PAX2: variants seen among roughly 807,000 people sequenced by gnomAD.
PAX2 encodes the protein paired box protein Pax-2.
Under a neutral mutation model 41.7 loss-of-function variants are expected in PAX2, and 9 were observed. That is an observed-to-expected ratio of 0.22 (90% CI 0.13 to 0.38). The LOEUF is 0.38. Among genes scored for constraint, PAX2 ranks in the 10% least tolerant of loss-of-function variants. The probability of loss-of-function intolerance (pLI) is 1.00; values close to 1 mark genes in which losing one functional copy is unlikely to be tolerated. For synonymous variants in PAX2, 221 were observed against 212.7 expected (o/e 1.04, Z -0.34); for missense variants, 418 against 531.6 (o/e 0.79, Z 2.10).
At chr10:100,757,985 G>T (rs1845694726) in intron 3 of PAX2, among the ~76,000 whole-genome samples, 1 of 152,154 alleles carries the variant, frequency 6.6e-6, no homozygotes, top group South Asian at 2.1e-4. Context: ...TAGAGCCAGG[G>T]TCCCCTCATG....
At chr10:100,805,235 T>C (rs1847733079) in intron 5 of PAX2, among the ~76,000 whole-genome samples, 1 of 152,166 alleles carries the variant, frequency 6.6e-6, no homozygotes, top group African/African-American at 2.4e-5. Context: ...TCCTGAATGA[T>C]ACTGTATGGT....
rs78521904 is a variant in PAX2 at position 100,829,647 on chromosome 10, G to A, written c.*2028G>A. 20,150 of 204,424 alleles carry A rather than the reference G, an allele frequency of 0.099. 2,054 individuals carry two copies. The highest frequency in any genetic ancestry group is 0.28 in the African/African-American group (12,405 of 43,648). 12.7% of individuals were successfully genotyped at this position (204,424 alleles called of 1,614,324 possible). A position where few individuals can be genotyped will look rare whatever the true frequency, so the allele number is the denominator to read the frequency against. ...TCCCCTGCGAGCCCTTTTTATTTGA[G>A]AAGGAAAAAGAGAAAAGAGAATCGT... On this transcript the variant is annotated 3_prime_UTR_variant, in exon 10 of 10. Transcript: ENST00000355243.
chr10:100,798,104 C>CTTT lies in PAX2; in HGVS notation c.617-8304_617-8302dup, dbSNP rs11314855. The stretch of plus-strand genomic sequence containing the variant: ...TCCAAAGCCTTCTTCATGTCCACCT[C>CTTT]TTTTTTTTTTTTTTTTTTTTTTTTA... On this transcript the variant is annotated intron_variant, in intron 5 of 9. Coordinates refer to ENST00000355243, the MANE Select transcript of PAX2 (RefSeq NM_000278.5). Among the ~76,000 whole-genome samples, 111 of 86,532 alleles carry CTTT rather than the reference C, an allele frequency of 1.3e-3. 4 individuals are homozygous for CTTT. The highest frequency in any genetic ancestry group is 0.013 in the South Asian group (26 of 2,050). The allele number at this position is 86,532 out of a possible 152,430, so 56.8% of individuals were successfully genotyped here. A position where few individuals can be genotyped will look rare whatever the true frequency, so the allele number is the denominator to read the frequency against.
At position 100,791,044 on chromosome 10, in the gene PAX2, A is replaced by C. The variant is rs993688748; in HGVS notation, c.616+9679A>C. 2.0e-5 allele frequency among the ~76,000 whole-genome samples: 3 copies of C among 152,202 alleles called. No individual in the cohort carries two copies. The highest frequency in any genetic ancestry group is 7.2e-5 in the African/African-American group (3 of 41,440). On this transcript the variant is annotated intron_variant, in intron 5 of 9. Coordinates refer to ENST00000355243, the MANE Select transcript of PAX2 (RefSeq NM_000278.5). This position sits in a 1 kb window ranked among gnomAD's most constrained non-coding sequence, Gnocchi z 4.5. ...GACAACAGAGGCCTCACAAACCTCAACCTGCACGGAGGCCTGGCCTTCCCT... is the reference window on the plus strand; with the variant it reads ...GACAACAGAGGCCTCACAAACCTCACCCTGCACGGAGGCCTGGCCTTCCCT...
intron 3 of PAX2, among the ~76,000 whole-genome samples, chr10:100,771,449 T>G (rs1413377389): frequency 1.3e-5 from 2 of 152,200 alleles, no homozygotes; most frequent in Non-Finnish European, 2.9e-5. Flanking sequence ...TGTTAAGTGA[T>G]TCAGGCCTGC....
intron 6 of PAX2, among the ~76,000 whole-genome samples, chr10:100,808,171 G>A (rs970501837): frequency 2.0e-5 from 3 of 152,094 alleles, no homozygotes; most frequent in African/African-American, 4.8e-5. Flanking sequence ...ATTTCTCTCC[G>A]ATCACAGCGA....
chr10:100,748,934 C>G lies in PAX2; in HGVS notation c.44-812C>G. ...TGGGCCCCAACCAGGCTCTGCGAGG[C>G]GCGGCAGGCAGGCGAGCCCAAGCAG... On this transcript the variant is annotated intron_variant, in intron 1 of 9. Transcript: ENST00000355243. This position sits in a 1 kb window ranked among gnomAD's most constrained non-coding sequence, Gnocchi z 5.0. The G allele has an allele frequency of 1.0e-6, 1 of 985,344 alleles. No individual in the cohort carries two copies. Among genetic ancestry groups the G allele is most frequent in the Non-Finnish European group, 1.2e-6 (1 of 829,910 alleles). 61.0% of individuals were successfully genotyped at this position (985,344 alleles called of 1,614,324 possible). A position where few individuals can be genotyped will look rare whatever the true frequency, so the allele number is the denominator to read the frequency against.
At position 100,748,723 on chromosome 10, in the gene PAX2, G is replaced by C; in HGVS notation, c.44-1023G>C. 2 of 985,394 alleles carry C rather than the reference G, an allele frequency of 2.0e-6. No individual in the cohort carries two copies. The highest frequency in any genetic ancestry group is 3.5e-5 in the African/African-American group (2 of 57,244). The allele number at this position is 985,394 out of a possible 1,614,324, so 61.0% of individuals were successfully genotyped here. Reference sequence around the variant, plus strand: ...GATCGGGAGCCCGCGCTGGAGCCGGGTTGGAAACCCCGTGCCCTTCTCTTG... The same window carrying C: ...GATCGGGAGCCCGCGCTGGAGCCGGCTTGGAAACCCCGTGCCCTTCTCTTG... On this transcript the variant is annotated intron_variant, in intron 1 of 9. Transcript: ENST00000355243. This position sits in a 1 kb window ranked among gnomAD's most constrained non-coding sequence, Gnocchi z 5.0.
intron 3 of PAX2, among the ~76,000 whole-genome samples, chr10:100,773,706 C>A (rs1846290008): frequency 6.6e-6 from 1 of 152,144 alleles, no homozygotes; most frequent in South Asian, 2.1e-4. Flanking sequence ...AATTGATATA[C>A]CTGCTCTCAG....
Position 100,824,090 on chromosome 10 carries a change from G to A in PAX2, c.920-558G>A, listed in dbSNP as rs994962293. On this transcript the variant is annotated intron_variant, in intron 7 of 9. Transcript: ENST00000355243. This position sits in a 1 kb window ranked among gnomAD's most constrained non-coding sequence, Gnocchi z 6.6. ...GGCTGCCCCCCTGCTCTCCACACCT[G>A]CCAGGACCAGGACCTGCAGCTCCAC... Among the ~76,000 whole-genome samples, 5 of 152,108 alleles carry A rather than the reference G, an allele frequency of 3.3e-5. No homozygotes were observed. The highest frequency in any genetic ancestry group is 7.3e-5 in the Non-Finnish European group (5 of 68,030).
rs113255578 is a variant in PAX2 at position 100,750,237 on chromosome 10, T to TGG, written c.212+330_212+331dup. ...TACGGGGTGGGAGACATTAGAGGAA[T>TGG]GGGGGGGGAGTGAAAATGGGTCCCC... is the stretch of plus-strand genomic sequence containing the variant. On this transcript the variant is annotated intron_variant, in intron 2 of 9. Coordinates refer to ENST00000355243, the MANE Select transcript of PAX2 (RefSeq NM_000278.5). The surrounding 1 kb of genome is among the most constrained non-coding windows in gnomAD (Gnocchi z 4.1). 1.7e-3 allele frequency among the ~76,000 whole-genome samples: 263 copies of TGG among 150,294 alleles called. 1 individual carries two copies. The highest frequency in any genetic ancestry group is 6.8e-3 in the Middle Eastern group (2 of 294).
chr10:100,781,494 C>G, intron 5 of PAX2, 129 bp downstream of exon 5: 1 of 973,888 alleles, frequency 1.0e-6, no homozygotes, highest in Non-Finnish European at 1.7e-6. Flanking sequence ...CCCAGGTCCC[C>G]CCACTGCCCT....
chr10:100,808,311 C>T (rs1847868335), intron 6 of PAX2, among the ~76,000 whole-genome samples: 1 of 151,996 alleles, frequency 6.6e-6, no homozygotes, highest in Non-Finnish European at 1.5e-5. Context: ...GCAATCCCGT[C>T]CAGCCATGGA....
intron 1 of PAX2, 91 bp from the exon 2 acceptor site, chr10:100,749,655 C>T (rs758609084): frequency 1.3e-6 from 2 of 1,536,536 alleles, no homozygotes; most frequent in Non-Finnish European, 1.8e-6. Context: ...GCCCTGCCTG[C>T]TTCCTTCGCC....
At chr10:100,782,166 G>A (rs758142628) in intron 5 of PAX2, among the ~76,000 whole-genome samples, 6 of 152,266 alleles carry the variant, frequency 3.9e-5, no homozygotes, top group East Asian at 1.9e-4. Context: ...TCCGGCCTGC[G>A]TCCTGCCCCC....
intron 5 of PAX2, among the ~76,000 whole-genome samples, chr10:100,784,372 C>T (rs376950387): frequency 1.4e-4 from 22 of 152,248 alleles, no homozygotes; most frequent in East Asian, 3.9e-4. Flanking sequence ...GGACTGAGCA[C>T]GCACATTAAA....
intron 4 of PAX2, 135 bp downstream of exon 4, chr10:100,779,718 C>T: frequency 1.4e-6 from 1 of 722,856 alleles, no homozygotes; most frequent in Admixed American, 2.0e-5. Context: ...CTCACCTGAG[C>T]TCCTGTCCAC....
At chr10:100,816,718 C>A (rs1034643408) in intron 7 of PAX2, among the ~76,000 whole-genome samples, 8 of 152,160 alleles carry the variant, frequency 5.3e-5, no homozygotes, top group Non-Finnish European at 1.0e-4. Context: ...CTTTTGCAAC[C>A]CTGAGCTTTG....
At chr10:100,765,005 G>C (rs928568307) in intron 3 of PAX2, among the ~76,000 whole-genome samples, 3 of 152,114 alleles carry the variant, frequency 2.0e-5, no homozygotes, top group Non-Finnish European at 4.4e-5. Flanking sequence ...GGAGAAGTGA[G>C]CAAATACTTA....
Sources: allele counts gnomAD v4.1 joint callset (sites outside exome capture counted in the v4.1 genomes callset), GRCh38; gene constraint gnomAD v4.1.1; non-coding constraint Gnocchi (gnomAD v3.1); transcripts MANE v1.5; gene names NCBI Gene and HGNC (gene_info 2026-07-23, HGNC 2026-07-21).